RBFOX1: variants seen among roughly 807,000 people sequenced by gnomAD.
RBFOX1 encodes the protein RNA binding protein fox-1 homolog 1.
In RBFOX1, 8 loss-of-function variants were observed where a neutral mutation model predicts 57.7. The ratio of observed to expected loss-of-function variants is 0.14; its 90% CI spans 0.08 to 0.25. The LOEUF (loss-of-function observed/expected upper bound fraction) is 0.25, where lower values mean the gene tolerates loss of function less well. Ranked by LOEUF, RBFOX1 falls within the 10% of genes least tolerant of loss-of-function variation. RBFOX1 has a pLI of 1.00. For synonymous variants in RBFOX1, 326 were observed against 222.4 expected (o/e 1.47, Z -4.15); for missense variants, 611 against 548.5 (o/e 1.11, Z -1.14).
intron 3 of RBFOX1, among the ~76,000 whole-genome samples, chr16:6,682,623 G>T (rs1382182554): frequency 6.6e-6 from 1 of 152,022 alleles, no homozygotes; most frequent in Admixed American, 6.6e-5. Flanking sequence ...ACCGCCAGAT[G>T]TCGAGAGAGC....
intron 3 of RBFOX1, among the ~76,000 whole-genome samples, chr16:6,745,594 A>G (rs980254073): frequency 3.3e-5 from 5 of 152,226 alleles, no homozygotes; most frequent in Non-Finnish European, 5.9e-5. Context: ...ACAAAATCCA[A>G]AATGGATTCT....
At chr16:7,006,105 T>G (rs1213233682) in intron 3 of RBFOX1, among the ~76,000 whole-genome samples, 1 of 152,188 alleles carries the variant, frequency 6.6e-6, no homozygotes, top group East Asian at 1.9e-4. Context: ...GGTGTACATT[T>G]AAACATCTTT....
At chr16:6,239,839 G>A (rs11644760) in intron 1 of RBFOX1, among the ~76,000 whole-genome samples, 29,275 of 151,960 alleles carry the variant, frequency 0.19, 3,453 homozygotes, top group African/African-American at 0.34. Flanking sequence ...GAATTGATAC[G>A]ACAGACTTTA....
At chr16:6,655,791 A>C (rs1038744368) in intron 3 of RBFOX1, among the ~76,000 whole-genome samples, 1 of 152,122 alleles carries the variant, frequency 6.6e-6, no homozygotes, top group Non-Finnish European at 1.5e-5. Flanking sequence ...CAAGTGTACC[A>C]TTATTGTCAA....
At chr16:7,593,887 G>T (rs1293223835) in intron 7 of RBFOX1, among the ~76,000 whole-genome samples, 1 of 152,114 alleles carries the variant, frequency 6.6e-6, no homozygotes, top group East Asian at 1.9e-4. Flanking sequence ...ACCCTCACTT[G>T]AATACATCCA....
intron 3 of RBFOX1, among the ~76,000 whole-genome samples, chr16:6,823,098 C>G (rs1273143627): frequency 1.3e-5 from 2 of 152,056 alleles, no homozygotes; most frequent in Admixed American, 6.6e-5. Context: ...GGAGACTGAG[C>G]ATCAGAGGGT....
At chr16:7,196,494 T>A (rs111756186) in intron 4 of RBFOX1, among the ~76,000 whole-genome samples, 3 of 152,302 alleles carry the variant, frequency 2.0e-5, no homozygotes, top group South Asian at 2.1e-4. Context: ...CCCAAACATT[T>A]AAGAGGCGTC....
intron 2 of RBFOX1, among the ~76,000 whole-genome samples, chr16:5,499,857 G>A (rs1440633215): frequency 2.0e-5 from 3 of 151,886 alleles, no homozygotes; most frequent in Middle Eastern, 3.2e-3. Context: ...ACAGGCATGA[G>A]CCACTGTGCC....
intron 3 of RBFOX1, among the ~76,000 whole-genome samples, chr16:6,921,378 G>A (rs889680430): frequency 6.6e-5 from 10 of 152,100 alleles, no homozygotes; most frequent in African/African-American, 2.4e-4. Flanking sequence ...AATGGGGATG[G>A]ATATGCTTCG....
intron 3 of RBFOX1, among the ~76,000 whole-genome samples, chr16:6,807,631 C>T (rs1455852436): frequency 3.9e-5 from 6 of 151,944 alleles, no homozygotes; most frequent in Admixed American, 2.0e-4. Flanking sequence ...GCCTGGCGAG[C>T]ATGGTGAAAG....
At chr16:6,295,408 G>A (rs1184578203) in intron 1 of RBFOX1, among the ~76,000 whole-genome samples, 5 of 152,192 alleles carry the variant, frequency 3.3e-5, no homozygotes, top group East Asian at 1.9e-4. Context: ...ACAGGCATAA[G>A]CCACCGTGCC....
intron 2 of RBFOX1, among the ~76,000 whole-genome samples, chr16:6,350,446 A>G (rs1599929378): frequency 4.3e-4 from 2 of 4,618 alleles, no homozygotes; most frequent in African/African-American, 1.0e-3. Flanking sequence ...TGTCTCAAGA[A>G]AAAAAAAAAA....
intron 3 of RBFOX1, among the ~76,000 whole-genome samples, chr16:6,894,899 T>C (rs924143422): frequency 6.6e-6 from 1 of 152,176 alleles, no homozygotes; most frequent in African/African-American, 2.4e-5. Flanking sequence ...AGCATGTGGC[T>C]TTCTCAGCTA....
At chr16:7,117,821 A>T (rs1414688164) in intron 4 of RBFOX1, among the ~76,000 whole-genome samples, 5 of 152,166 alleles carry the variant, frequency 3.3e-5, no homozygotes, top group African/African-American at 9.7e-5. Flanking sequence ...CATCTCGAAC[A>T]GGATCTGCTT....
chr16:5,912,399 A>C (rs1020311780), intron 4 of RBFOX1, among the ~76,000 whole-genome samples: 6 of 152,186 alleles, frequency 3.9e-5, no homozygotes, highest in African/African-American at 1.4e-4. Context: ...GCTTTGCACT[A>C]ATCAGAGATT....
intron 4 of RBFOX1, among the ~76,000 whole-genome samples, chr16:7,368,660 G>C (rs1337492182): frequency 6.6e-6 from 1 of 151,642 alleles, no homozygotes; most frequent in African/African-American, 2.4e-5. Context: ...GGCACCTGTA[G>C]TCCCAGCTAC....
chr16:6,604,727 A>G (rs979677616), intron 2 of RBFOX1, among the ~76,000 whole-genome samples: 5 of 152,188 alleles, frequency 3.3e-5, no homozygotes, highest in African/African-American at 4.8e-5. Context: ...TGTCAGCCCT[A>G]TAACATTCTA....
At chr16:7,485,184 T>A (rs2065069070) in intron 4 of RBFOX1, among the ~76,000 whole-genome samples, 1 of 152,174 alleles carries the variant, frequency 6.6e-6, no homozygotes, top group Admixed American at 6.5e-5. Flanking sequence ...ACAGGTGTGT[T>A]CACTGACCTA....
rs149139434 is a variant in RBFOX1, at chr16:5,722,359, T to G, written c.318+123398T>G. ...TAATTTCACTTTGCTGGTATAGACTTGGCAATGTGCTTTCTATTGAAATAT... is the reference window on the plus strand; with the variant it reads ...TAATTTCACTTTGCTGGTATAGACTGGGCAATGTGCTTTCTATTGAAATAT... On this transcript the variant is annotated intron_variant, in intron 3 of 19. Coordinates refer to the RBFOX1 transcript ENST00000641259. Among the ~76,000 whole-genome samples the G allele has an allele frequency of 7.2e-5, 11 of 152,332 alleles. No homozygotes were observed. The East Asian group carries it at 1.7e-3, about 24-fold the overall frequency.
Sources: allele counts gnomAD v4.1 joint callset (sites outside exome capture counted in the v4.1 genomes callset), GRCh38; gene constraint gnomAD v4.1.1; transcripts MANE v1.5; gene names NCBI Gene and HGNC (gene_info 2026-07-23, HGNC 2026-07-21).